Variants in RYR3 observed in about 807,000 individuals in gnomAD.
RYR3 encodes ryanodine receptor 3.
In RYR3, 207 loss-of-function variants were observed where a neutral mutation model predicts 584.3. The ratio of observed to expected loss-of-function variants is 0.35; its 90% CI spans 0.32 to 0.40. The LOEUF is 0.40. Among genes scored for constraint, RYR3 ranks in the 10% least tolerant of loss-of-function variants. RYR3 has a pLI of 1.00. For missense variants in RYR3, 5,616 were observed against 6,089.2 expected (o/e 0.92, Z 2.59); for synonymous variants, 2,416 against 2,248.5 (o/e 1.07, Z -2.11).
In RYR3 at chr15:33,584,591, A is replaced by G. The variant is rs2058751078; in HGVS notation, c.1669+101A>G. ...GTTGAATCTTTTCCAATGGATTGCA[A>G]ACAATCCTCAAATCATACTTCAAAA... On this transcript the variant is annotated intron_variant, in intron 15 of 103. Coordinates refer to ENST00000634891, the MANE Select transcript of RYR3 (RefSeq NM_001036.6). The G allele has an allele frequency of 2.0e-5, 12 of 606,144 alleles. No homozygotes were observed. In the South Asian group the frequency reaches 2.6e-4, roughly 13 times the overall value. 37.5% of individuals were successfully genotyped at this position (606,144 alleles called of 1,614,324 possible). A position where few individuals can be genotyped will look rare whatever the true frequency, so the allele number is the denominator to read the frequency against.
intron 1 of RYR3, among the ~76,000 whole-genome samples, chr15:33,394,749 T>G (rs1247196115): frequency 6.6e-6 from 1 of 152,206 alleles, no homozygotes; most frequent in Non-Finnish European, 1.5e-5. Flanking sequence ...ACCAAACATG[T>G]GCTGATTCTG....
At position 33,670,551 on chromosome 15, in the gene RYR3, GC is replaced by G; in HGVS notation, c.5859del (p.Thr1954GlnfsTer3). On this transcript the variant is annotated frameshift_variant, in exon 38 of 104. Transcript: ENST00000634891. LOFTEE classifies it high-confidence loss of function. ...CAGCCGACGGAGGAGGAGGAGAGATGCCCCAGTAAGTGACATTGCCTTTAAA... is the reference window on the plus strand; with the variant it reads ...CAGCCGACGGAGGAGGAGGAGAGATGCCCAGTAAGTGACATTGCCTTTAAA... The part of the protein sequence containing the change: ...KEQPTEEEER[C>X]PTTLKELISQ... 1 of 1,570,524 alleles carries G rather than the reference GC, an allele frequency of 6.4e-7. No homozygotes were observed. Among genetic ancestry groups the G allele is most frequent in the Non-Finnish European group, 8.6e-7 (1 of 1,164,934 alleles).
rs112722960 is a variant in RYR3 at position 33,863,512 on chromosome 15, C to T, written c.14466-626C>T. Among the ~76,000 whole-genome samples, 810 of 152,310 alleles carry T rather than the reference C, an allele frequency of 5.3e-3. 7 individuals carry two copies. Among genetic ancestry groups the T allele is most frequent in the African/African-American group, 0.018 (768 of 41,572 alleles). ...GGCAAGAGCCTGGTTCCTTTGGAAACGGTCTCTGAGATCATATAATGTGAG... is the reference window on the plus strand; with the variant it reads ...GGCAAGAGCCTGGTTCCTTTGGAAATGGTCTCTGAGATCATATAATGTGAG... On this transcript the variant is annotated intron_variant, in intron 102 of 103. Transcript: ENST00000634891.
chr15:33,349,318 A>G (rs1466201430), intron 1 of RYR3, among the ~76,000 whole-genome samples: 1 of 152,102 alleles, frequency 6.6e-6, no homozygotes, highest in African/African-American at 2.4e-5. Context: ...TGCTAGATGT[A>G]TGGTAAGAGC....
chr15:33,346,043 T>C (rs1339723772), intron 1 of RYR3, among the ~76,000 whole-genome samples: 1 of 152,252 alleles, frequency 6.6e-6, no homozygotes, highest in African/African-American at 2.4e-5. Flanking sequence ...CAGCATTTCA[T>C]TGAATGGAAG....
At chr15:33,863,713 CAT>C (rs1491367651) in intron 102 of RYR3, among the ~76,000 whole-genome samples, 9 of 152,270 alleles carry the variant, frequency 5.9e-5, no homozygotes, top group Admixed American at 5.9e-4. Flanking sequence ...CTAACTTTTC[CAT>C]GACAGATATT....
At chr15:33,434,524 T>A (rs2141780508) in intron 1 of RYR3, among the ~76,000 whole-genome samples, 1 of 152,334 alleles carries the variant, frequency 6.6e-6, no homozygotes, top group East Asian at 1.9e-4. Context: ...TCATGGCAAC[T>A]TTTTTGAAAG....
intron 19 of RYR3, among the ~76,000 whole-genome samples, chr15:33,621,258 A>T (rs577794930): frequency 6.6e-6 from 1 of 152,350 alleles, no homozygotes; most frequent in South Asian, 2.1e-4. Context: ...TCCATATGCT[A>T]GTGAGTAATG....
chr15:33,628,887 T>A (rs957309191), intron 21 of RYR3, among the ~76,000 whole-genome samples: 2 of 152,202 alleles, frequency 1.3e-5, no homozygotes, highest in Non-Finnish European at 2.9e-5. Flanking sequence ...AGAACTTGTT[T>A]AATATGGTTT....
rs764582162 is a variant in RYR3, at chr15:33,581,499, C to A, written c.1438-9C>A. The A allele has an allele frequency of 6.2e-7, 1 of 1,612,890 alleles. No individual in the cohort carries two copies. Among genetic ancestry groups the A allele is most frequent in the Non-Finnish European group, 8.5e-7 (1 of 1,179,084 alleles). Reference sequence around the variant, plus strand: ...CAATGTTTACATTTTCCTCCACTCTCCTTCTCAGGGAATGTTGGCCCTTGT... The same window carrying A: ...CAATGTTTACATTTTCCTCCACTCTACTTCTCAGGGAATGTTGGCCCTTGT... On this transcript the variant is annotated splice_polypyrimidine_tract_variant and intron_variant, in intron 13 of 103. Transcript: ENST00000634891.
At chr15:33,714,884 A>G (rs1183413613) in intron 43 of RYR3, among the ~76,000 whole-genome samples, 5 of 152,238 alleles carry the variant, frequency 3.3e-5, no homozygotes, top group Non-Finnish European at 7.3e-5. Context: ...ACCCAAGTAG[A>G]GTGATCAGAA....
At chr15:33,709,306 G>A (rs1293830376) in intron 43 of RYR3, among the ~76,000 whole-genome samples, 2 of 152,148 alleles carry the variant, frequency 1.3e-5, no homozygotes, top group Non-Finnish European at 2.9e-5. Flanking sequence ...ATCTTATTGA[G>A]GAGATCAGAA....
chr15:33,362,531 A>C (rs2596179), intron 1 of RYR3, among the ~76,000 whole-genome samples: 57,700 of 151,928 alleles, frequency 0.38, 11,038 homozygotes, highest in East Asian at 0.56. Flanking sequence ...ATATGATTAA[A>C]TCTTCTGTTC....
In RYR3 at chr15:33,861,100, T is replaced by C. The variant is rs764029640; in HGVS notation, c.14387T>C (p.Ile4796Thr). 5 of 1,594,114 alleles carry C rather than the reference T, an allele frequency of 3.1e-6. No individual in the cohort carries two copies. The highest frequency in any genetic ancestry group is 4.3e-6 in the Non-Finnish European group (5 of 1,169,116). ...TAGACTAAATGTTTCATCTGTGGGATTGGCAATGACTACTTTGACACAACC... is the reference window on the plus strand; with the variant it reads ...TAGACTAAATGTTTCATCTGTGGGACTGGCAATGACTACTTTGACACAACC... ...DMETKCFICGIGNDYFDTTPH... is the reference protein window; with the variant it reads ...DMETKCFICGTGNDYFDTTPH... The change falls in exon 102 of 104, where the codon ATT becomes ACT. Residue 4796 changes from isoleucine (I) to threonine (T), a missense_variant. Around this residue, in one of 9 missense-constraint regions of RYR3, gnomAD observed 918 missense variants for 887.4 expected, o/e 1.03. Coordinates refer to ENST00000634891, the MANE Select transcript of RYR3 (RefSeq NM_001036.6).
chr15:33,769,944 G>A (rs1030076325), intron 62 of RYR3, among the ~76,000 whole-genome samples: 1 of 151,974 alleles, frequency 6.6e-6, no homozygotes, highest in African/African-American at 2.4e-5. Context: ...GCCAGACCCT[G>A]TCTTAAAAAA....
chr15:33,354,256 T>C (rs1595826325), intron 1 of RYR3, among the ~76,000 whole-genome samples: 1 of 152,218 alleles, frequency 6.6e-6, no homozygotes, highest in African/African-American at 2.4e-5. Flanking sequence ...AAGAAACCAC[T>C]GTGAAAGAAC....
At position 33,838,730 on chromosome 15, in the gene RYR3, T is replaced by G. The variant is rs746671095; in HGVS notation, c.12750T>G (p.Ala4250=). 1 of 1,613,880 alleles carries G rather than the reference T, an allele frequency of 6.2e-7. No individual in the cohort carries two copies. The highest frequency in any genetic ancestry group is 8.5e-7 in the Non-Finnish European group (1 of 1,179,852). ...QFGIHDDTME[A]ERAEVMEPGI... ...GTATCCATGATGACACTATGGAGGC[T>G]GAGAGGGCAGAGGTGATGGAGCCAG... The change falls in exon 89 of 104, where the codon GCT becomes GCG. Residue 4250 remains alanine, a synonymous_variant. Coordinates refer to ENST00000634891, the MANE Select transcript of RYR3 (RefSeq NM_001036.6).
intron 1 of RYR3, among the ~76,000 whole-genome samples, chr15:33,357,504 C>A (rs1484779660): frequency 6.6e-6 from 1 of 152,142 alleles, no homozygotes; most frequent in Non-Finnish European, 1.5e-5. Flanking sequence ...ATTTTAAAAT[C>A]AGAACCCTGT....
intron 29 of RYR3, 133 bp from the exon 30 acceptor site, chr15:33,647,291 A>C (rs1168534663): frequency 1.0e-5 from 7 of 672,898 alleles, no homozygotes; most frequent in Admixed American, 1.0e-4. Context: ...GACTGGTTGC[A>C]ATCACTTGTG....
Sources: gnomAD v4.1 joint callset for allele counts (sites outside exome capture counted in the v4.1 genomes callset) on GRCh38, gnomAD v4.1.1 for gene constraint, gnomAD v4.1.1 regional missense constraint, MANE v1.5 for transcripts, NCBI Gene and HGNC (gene_info 2026-07-23, HGNC 2026-07-21) for gene names.